The following TAFA4 variants were observed in gnomAD, a reference collection of about 807,000 sequenced individuals.
TAFA4 encodes the protein chemokine-like protein TAFA-4.
TAFA4 carries 20 observed loss-of-function variants against 21.1 expected under a neutral mutation model. The observed-to-expected ratio is 0.95, with a 90% CI of 0.67 to 1.38. The LOEUF is 1.38. Ranked by LOEUF, TAFA4 falls within the 40% of genes most tolerant of loss-of-function variation. The pLI is 0.00. For missense variants in TAFA4, 211 were observed against 180.9 expected (o/e 1.17, Z -0.95); for synonymous variants, 71 against 67.4 (o/e 1.05, Z -0.26).
At chr3:68,852,424 A>T (rs1232869592) in intron 3 of TAFA4, among the ~76,000 whole-genome samples, 2 of 152,146 alleles carry the variant, frequency 1.3e-5, no homozygotes, top group Non-Finnish European at 1.5e-5. Flanking sequence ...CTCTGCCAGC[A>T]ACTAGGTATA....
At chr3:68,918,481 T>C (rs146971255) in intron 1 of TAFA4, among the ~76,000 whole-genome samples, 17 of 152,312 alleles carry the variant, frequency 1.1e-4, no homozygotes, top group African/African-American at 4.1e-4. Flanking sequence ...CTTGTTTTCA[T>C]TGCAAGCTAT....
rs556944056 is a variant in TAFA4 at position 68,869,069 on chromosome 3, G to A, written c.130+11661C>T. ...CAACTGATACCACAGAAATTCAATG[G>A]ATCATCAACAGCTATATGCCAACAA... is the stretch of plus-strand genomic sequence containing the variant. On this transcript the variant is annotated intron_variant, in intron 3 of 5. Transcript: ENST00000295569. 3.3e-5 allele frequency among the ~76,000 whole-genome samples: 5 copies of A among 151,720 alleles called. No individual in the cohort carries two copies. The East Asian group carries it at 9.7e-4, about 29-fold the overall frequency.
At chr3:68,848,455 A>G (rs770624862) in intron 3 of TAFA4, among the ~76,000 whole-genome samples, 4 of 152,184 alleles carry the variant, frequency 2.6e-5, no homozygotes, top group Non-Finnish European at 4.4e-5. Context: ...TGTGACCTAT[A>G]TGCCTTTTTC....
intron 3 of TAFA4, among the ~76,000 whole-genome samples, chr3:68,820,150 G>A (rs187272197): frequency 5.3e-5 from 8 of 152,274 alleles, no homozygotes; most frequent in Non-Finnish European, 1.0e-4. Flanking sequence ...AGATGAACCT[G>A]GAGGACATTA....
chr3:68,911,936 C>T (rs2089964944), intron 1 of TAFA4, among the ~76,000 whole-genome samples: 1 of 152,182 alleles, frequency 6.6e-6, no homozygotes, highest in Non-Finnish European at 1.5e-5. Flanking sequence ...ATTCTCCACA[C>T]CTCACCTCCG....
chr3:68,871,158 A>G lies in TAFA4; in HGVS notation c.130+9572T>C, dbSNP rs1255274147. ...TGGAAGACAGTGTGGCAATTCCTCA[A>G]GGATCTAGAACCAGAAATACCATTT... On this transcript the variant is annotated intron_variant, in intron 3 of 5. Transcript: ENST00000295569. Among the ~76,000 whole-genome samples the G allele has an allele frequency of 9.9e-5, 15 of 152,136 alleles. 1 individual carries two copies. Among genetic ancestry groups the G allele is most frequent in the Admixed American group, 9.8e-4 (15 of 15,268 alleles).
At chr3:68,864,540 T>G (rs910039372) in intron 3 of TAFA4, among the ~76,000 whole-genome samples, 1 of 152,130 alleles carries the variant, frequency 6.6e-6, no homozygotes, top group African/African-American at 2.4e-5. Flanking sequence ...TAACAGTTTC[T>G]TAAAAGTCAA....
intron 3 of TAFA4, among the ~76,000 whole-genome samples, chr3:68,870,205 A>G (rs895989600): frequency 6.6e-6 from 1 of 152,078 alleles, no homozygotes; most frequent in Non-Finnish European, 1.5e-5. Context: ...TGAAGAAGAC[A>G]CACAAAAAAA....
intron 3 of TAFA4, among the ~76,000 whole-genome samples, chr3:68,758,608 T>G (rs1702703963): frequency 6.6e-6 from 1 of 152,218 alleles, no homozygotes; most frequent in African/African-American, 2.4e-5. Context: ...CCTAGTTTCC[T>G]TCATAAATTA....
At chr3:68,854,237 G>A (rs995263419) in intron 3 of TAFA4, among the ~76,000 whole-genome samples, 2 of 151,988 alleles carry the variant, frequency 1.3e-5, no homozygotes, top group African/African-American at 2.4e-5. Flanking sequence ...GGCCTGAGAC[G>A]AGAATGTTCT....
chr3:68,884,768 T>A (rs1236859639), intron 2 of TAFA4, among the ~76,000 whole-genome samples: 1 of 152,214 alleles, frequency 6.6e-6, no homozygotes, highest in African/African-American at 2.4e-5. Flanking sequence ...ATCCCTAATC[T>A]ATCTTCTTCT....
At chr3:68,783,105 A>C (rs1031743642) in intron 3 of TAFA4, among the ~76,000 whole-genome samples, 1 of 152,232 alleles carries the variant, frequency 6.6e-6, no homozygotes, top group Admixed American at 6.5e-5. Flanking sequence ...AATTCTCAGA[A>C]AACTAGAAAT....
At chr3:68,803,810 T>TTTTTTG in intron 3 of TAFA4, among the ~76,000 whole-genome samples, 1 of 136,722 alleles carries the variant, frequency 7.3e-6, no homozygotes, top group South Asian at 2.7e-4. Flanking sequence ...TTTTTTTTTT[T>TTTTTTG]TTTTTTTTTT....
intron 3 of TAFA4, among the ~76,000 whole-genome samples, chr3:68,866,518 C>CAT (rs1465148499): frequency 1.3e-5 from 2 of 151,752 alleles, no homozygotes; most frequent in Admixed American, 6.6e-5. Context: ...AAGCAATAGA[C>CAT]ATATATTCAC....
intron 3 of TAFA4, among the ~76,000 whole-genome samples, chr3:68,863,439 G>C (rs1215131576): frequency 1.3e-5 from 2 of 152,056 alleles, no homozygotes; most frequent in African/African-American, 4.8e-5. Context: ...GAAATGTATA[G>C]ACAAGAGACA....
At chr3:68,855,606 G>C (rs1333060689) in intron 3 of TAFA4, among the ~76,000 whole-genome samples, 1 of 152,002 alleles carries the variant, frequency 6.6e-6, no homozygotes. Context: ...TGATAAGTAG[G>C]GGGGAAAAAA....
intron 3 of TAFA4, among the ~76,000 whole-genome samples, chr3:68,878,891 A>C (rs532867209): frequency 1.3e-5 from 2 of 152,154 alleles, no homozygotes; most frequent in East Asian, 3.9e-4. Flanking sequence ...TTAATGCTTA[A>C]ACTAAAATTA....
At chr3:68,853,067 T>G (rs1253790977) in intron 3 of TAFA4, among the ~76,000 whole-genome samples, 2 of 152,136 alleles carry the variant, frequency 1.3e-5, no homozygotes, top group African/African-American at 4.8e-5. Context: ...TCAATTATGA[T>G]TCACTTGAAT....
At chr3:68,783,264 A>G (rs956085525) in intron 3 of TAFA4, among the ~76,000 whole-genome samples, 2 of 152,218 alleles carry the variant, frequency 1.3e-5, no homozygotes, top group Non-Finnish European at 2.9e-5. Context: ...ATTGAACTAG[A>G]GGTCCTAGCC....
Sources: gnomAD v4.1 joint callset for allele counts (sites outside exome capture counted in the v4.1 genomes callset) on GRCh38, gnomAD v4.1.1 for gene constraint, MANE v1.5 for transcripts, NCBI Gene and HGNC (gene_info 2026-07-23, HGNC 2026-07-21) for gene names.